The following SCN3A variants were observed in gnomAD, a reference collection of about 807,000 sequenced individuals.
SCN3A encodes sodium voltage-gated channel alpha subunit 3, also known as sodium channel protein type 3 subunit alpha.
A neutral mutation model predicts 187.6 loss-of-function variants in SCN3A; 60 were observed. That is an observed-to-expected ratio of 0.32 (90% CI 0.26 to 0.40). SCN3A has a LOEUF of 0.40. SCN3A is among the 10% of genes least tolerant of loss of function. SCN3A has a pLI of 1.00. For synonymous variants in SCN3A, 788 were observed against 829.2 expected, an observed-to-expected ratio of 0.95 and a Z score of 0.85; for missense variants, 1,601 against 2,428.2, an observed-to-expected ratio of 0.66 and a Z score of 7.16.
chr2:165,126,246 G>A (rs190114458), intron 18 of SCN3A, among the ~76,000 whole-genome samples: 5 of 152,212 alleles, frequency 3.3e-5, no homozygotes, highest in African/African-American at 7.2e-5. Context: ...TGTATTAAAC[G>A]TCTATAAATA....
At chr2:165,111,404 T>C (rs1574126531) in intron 21 of SCN3A, among the ~76,000 whole-genome samples, 1 of 152,080 alleles carries the variant, frequency 6.6e-6, no homozygotes, top group African/African-American at 2.4e-5. Context: ...GATCATTGAA[T>C]GTATTTAGTG....
intron 5 of SCN3A, among the ~76,000 whole-genome samples, chr2:165,166,840 G>A (rs1689789283): frequency 6.6e-6 from 1 of 151,896 alleles, no homozygotes; most frequent in Non-Finnish European, 1.5e-5. Flanking sequence ...CTTCATAATG[G>A]GTATAATCAT....
At chr2:165,153,341 A>G (rs1688809546) in intron 11 of SCN3A, among the ~76,000 whole-genome samples, 1 of 152,326 alleles carries the variant, frequency 6.6e-6, no homozygotes, top group African/African-American at 2.4e-5. Flanking sequence ...TAACTTAAGA[A>G]GAAAATTTAG....
intron 18 of SCN3A, among the ~76,000 whole-genome samples, chr2:165,125,539 G>T (rs1445776483): frequency 6.6e-6 from 1 of 152,032 alleles, no homozygotes; most frequent in South Asian, 2.1e-4. Context: ...GGATGGTCTC[G>T]ATCTCCTGAC....
intron 1 of SCN3A, among the ~76,000 whole-genome samples, chr2:165,201,481 A>T (rs1463565808): frequency 6.6e-6 from 1 of 152,004 alleles, no homozygotes. Context: ...GTGAGTTAGG[A>T]TGGCAGGGAG....
chr2:165,105,110 T>C (rs1378982848), intron 21 of SCN3A, among the ~76,000 whole-genome samples: 1 of 152,130 alleles, frequency 6.6e-6, no homozygotes, highest in Non-Finnish European at 1.5e-5. Context: ...GGGCAATTGA[T>C]GGAGCTGAAA....
intron 11 of SCN3A, among the ~76,000 whole-genome samples, chr2:165,153,157 C>A (rs1559236908): frequency 1.3e-5 from 2 of 151,982 alleles, no homozygotes; most frequent in Non-Finnish European, 2.9e-5. Context: ...CACCTATGGA[C>A]AACTAATAAT....
chr2:165,124,736 C>A (rs1686887889), intron 18 of SCN3A, among the ~76,000 whole-genome samples: 1 of 152,068 alleles, frequency 6.6e-6, no homozygotes, highest in Non-Finnish European at 1.5e-5. Flanking sequence ...GCTGTTTTTC[C>A]ATTTTCCCAG....
At chr2:165,164,231 C>T (rs1689596183) in intron 6 of SCN3A, among the ~76,000 whole-genome samples, 161 bp downstream of exon 6, 1 of 152,134 alleles carries the variant, frequency 6.6e-6, no homozygotes, top group Admixed American at 6.6e-5. Flanking sequence ...GATATATTTA[C>T]ATTGCAATAT....
At chr2:165,197,167 G>A (rs928515207) in intron 1 of SCN3A, among the ~76,000 whole-genome samples, 11 of 152,092 alleles carry the variant, frequency 7.2e-5, no homozygotes, top group Admixed American at 2.6e-4. Flanking sequence ...GGACACAAGT[G>A]TATTTTTTGT....
At chr2:165,150,920 A>C (rs900626939) in intron 11 of SCN3A, among the ~76,000 whole-genome samples, 1 of 152,170 alleles carries the variant, frequency 6.6e-6, no homozygotes, top group Admixed American at 6.6e-5. Context: ...TTGCCCTGTA[A>C]ATAGCTATTT....
intron 15 of SCN3A, among the ~76,000 whole-genome samples, chr2:165,137,563 G>A (rs890148079): frequency 1.3e-5 from 2 of 152,060 alleles, no homozygotes; most frequent in African/African-American, 4.8e-5. Flanking sequence ...CCACATGATT[G>A]TGGAGCCAGT....
At chr2:165,147,508 G>A (rs1280403779) in intron 11 of SCN3A, among the ~76,000 whole-genome samples, 2 of 151,996 alleles carry the variant, frequency 1.3e-5, no homozygotes, top group Admixed American at 6.6e-5. Flanking sequence ...AACATTTCAA[G>A]TGTCTACTAT....
chr2:165,196,763 C>T (rs1691992820), intron 1 of SCN3A, among the ~76,000 whole-genome samples: 1 of 152,072 alleles, frequency 6.6e-6, no homozygotes, highest in South Asian at 2.1e-4. Flanking sequence ...AAAATATGTT[C>T]GTTTACAGAA....
In SCN3A at chr2:165,140,911, C is replaced by A; in HGVS notation, c.1759G>T (p.Val587Phe). 1.9e-6 allele frequency: 3 copies of A among 1,614,100 alleles called. No individual in the cohort carries two copies. In the East Asian group the frequency reaches 6.7e-5, roughly 36 times the overall value. Reference protein sequence around the residue: ...IFSFRGRAKDVGSENDFADDE... With the variant: ...IFSFRGRAKDFGSENDFADDE... The stretch of plus-strand genomic sequence containing the variant: ...TCAGCAAAGTCATTTTCAGATCCAA[C>A]ATCCTTTGCCCGACCTCTGAAACTG... Residue 587 changes from valine to phenylalanine, a missense_variant, in exon 13 of 28, where the codon GTT becomes TTT. Around this residue, in one of 11 missense-constraint regions of SCN3A, gnomAD observed 376 missense variants for 476.0 expected, o/e 0.79. Coordinates refer to ENST00000283254, the MANE Select transcript of SCN3A (RefSeq NM_006922.4). The surrounding 1 kb of genome is among the most constrained non-coding windows in gnomAD (Gnocchi z 4.2).
In SCN3A at chr2:165,100,357, C is replaced by T. The variant is rs1574106779; in HGVS notation, c.3911G>A (p.Arg1304Gln). The T allele has an allele frequency of 1.9e-6, 3 of 1,613,580 alleles. No homozygotes were observed. Among genetic ancestry groups the T allele is most frequent in the Admixed American group, 1.7e-5 (1 of 59,990 alleles). Residue 1304 changes from arginine (R) to glutamine (Q), a missense_variant, in exon 22 of 28, where the codon CGG becomes CAG. Physicochemically the swap from Arg to Gln is conservative, Grantham distance 43. Transcript: ENST00000283254. ...YSELGAIKSL[R>Q]TLRALRPLRA... ...TAGAGGTCTTAAAGCTCTTAATGTC[C>T]GTAATGATTTGATGGCACCGAGTTC...
chr2:165,172,654 T>A (rs1395163027), intron 3 of SCN3A, among the ~76,000 whole-genome samples: 1 of 151,896 alleles, frequency 6.6e-6, no homozygotes, highest in Non-Finnish European at 1.5e-5. Context: ...TAGGAGAGAG[T>A]TTCATTTTGA....
At chr2:165,100,660 C>T (rs1685563764) in intron 21 of SCN3A, among the ~76,000 whole-genome samples, 1 of 152,034 alleles carries the variant, frequency 6.6e-6, no homozygotes, top group African/African-American at 2.4e-5. Context: ...GTCAATATCT[C>T]CAGTTAGATA....
intron 15 of SCN3A, among the ~76,000 whole-genome samples, chr2:165,132,201 C>T (rs1301407402): frequency 2.0e-5 from 3 of 152,160 alleles, no homozygotes; most frequent in Non-Finnish European, 4.4e-5. Flanking sequence ...AATGGCCATA[C>T]TGCCCAAGGT....
Sources: allele counts gnomAD v4.1 joint callset (sites outside exome capture counted in the v4.1 genomes callset), GRCh38; gene constraint gnomAD v4.1.1; regional missense constraint gnomAD v4.1.1; non-coding constraint Gnocchi (gnomAD v3.1); transcripts MANE v1.5; gene names NCBI Gene and HGNC (gene_info 2026-07-23, HGNC 2026-07-21).